The following REDIC1 variants were observed in gnomAD, a reference collection of about 807,000 sequenced individuals.
REDIC1 encodes regulator of DNA class I crossover intermediates 1.
the REDIC1 span, among the ~76,000 whole-genome samples, chr12:39,905,497 G>A: frequency 1.3e-5 from 2 of 152,006 alleles, no homozygotes; most frequent in African/African-American, 4.8e-5. Flanking sequence ...TCATTTTGTG[G>A]CATTTTTCTC....
the REDIC1 span, chr12:39,720,750 A>C: frequency 6.9e-7 from 1 of 1,442,648 alleles, no homozygotes; most frequent in South Asian, 1.2e-5. Context: ...TTAAAATGTA[A>C]GCATGGTTTA....
chr12:39,653,538 T>TCTTCTTCTTCTTCTTTTTCTTCTTCTTC, the REDIC1 span, among the ~76,000 whole-genome samples: 15 of 66,690 alleles, frequency 2.2e-4, no homozygotes, highest in Admixed American at 4.7e-4. Flanking sequence ...TTCTTCTTCT[T>TCTTCTTCTTCTTCTTTTTCTTCTTCTTC]TTTCTTCTTC....
At chr12:39,713,093 A>C in the REDIC1 span, among the ~76,000 whole-genome samples, 2 of 149,090 alleles carry the variant, frequency 1.3e-5, no homozygotes, top group Non-Finnish European at 3.0e-5. Flanking sequence ...GTATGTGTAG[A>C]TATGTGCATA....
the REDIC1 span, chr12:39,721,769 G>T: frequency 6.6e-6 from 1 of 152,000 alleles, no homozygotes; most frequent in Non-Finnish European, 1.5e-5. Context: ...GCATTAATTT[G>T]TAGATAACAC....
the REDIC1 span, among the ~76,000 whole-genome samples, chr12:39,711,878 T>A: frequency 5.8e-5 from 7 of 121,596 alleles, no homozygotes; most frequent in Admixed American, 3.1e-4. Flanking sequence ...CGTATACACA[T>A]GCATGTGTAT....
At chr12:39,703,284 CCAA>C in the REDIC1 span, among the ~76,000 whole-genome samples, 864 of 150,614 alleles carry the variant, frequency 5.7e-3, 7 homozygotes, top group African/African-American at 0.02. Flanking sequence ...TTCTTATACA[CCAA>C]CAACAGACAA....
the REDIC1 span, among the ~76,000 whole-genome samples, chr12:39,635,854 A>G: frequency 6.6e-6 from 1 of 152,130 alleles, no homozygotes; most frequent in South Asian, 2.1e-4. Flanking sequence ...GCTTATTAAA[A>G]TTCAAATCCA....
At chr12:39,756,970 A>G in the REDIC1 span, 1 of 151,542 alleles carries the variant, frequency 6.6e-6, no homozygotes, top group African/African-American at 2.4e-5. Flanking sequence ...TTTATTATTT[A>G]TTATTTAAAT....
chr12:39,788,534 T>G, the REDIC1 span: 3 of 152,304 alleles, frequency 2.0e-5, no homozygotes, highest in South Asian at 6.2e-4. Context: ...AAACTTATAA[T>G]TGTTTATTTC....
the REDIC1 span, among the ~76,000 whole-genome samples, chr12:39,727,124 A>ATTCTGATCATAGTTT: frequency 1.3e-5 from 2 of 149,316 alleles, no homozygotes; most frequent in Non-Finnish European, 3.0e-5. Flanking sequence ...TTGCCTGTTC[A>ATTCTGATCATAGTTT]CTCTTGCTGT....
At chr12:39,896,358 GTGTA>G in the REDIC1 span, among the ~76,000 whole-genome samples, 1 of 137,070 alleles carries the variant, frequency 7.3e-6, no homozygotes. Context: ...GTATGTATAT[GTGTA>G]TATATGTATA....
chr12:39,653,127 A>T, the REDIC1 span, among the ~76,000 whole-genome samples: 2 of 152,112 alleles, frequency 1.3e-5, no homozygotes, highest in Non-Finnish European at 1.5e-5. Flanking sequence ...ATTAATTTTG[A>T]TAGAATTGCC....
the REDIC1 span, among the ~76,000 whole-genome samples, chr12:39,706,527 A>G: frequency 6.6e-6 from 1 of 151,974 alleles, no homozygotes; most frequent in Non-Finnish European, 1.5e-5. Context: ...AACAAAACTG[A>G]AGGAATAGCA....
At chr12:39,810,411 GC>G in the REDIC1 span, among the ~76,000 whole-genome samples, 2 of 151,874 alleles carry the variant, frequency 1.3e-5, no homozygotes, top group Non-Finnish European at 2.9e-5. Flanking sequence ...TATTCTCATA[GC>G]ATTTTATAAA....
chr12:39,685,238 G>C, the REDIC1 span, among the ~76,000 whole-genome samples: 1 of 152,184 alleles, frequency 6.6e-6, no homozygotes, highest in African/African-American at 2.4e-5. Flanking sequence ...AAATACCTAA[G>C]ACTGGGTAAT....
At chr12:39,799,570 A>C in the REDIC1 span, among the ~76,000 whole-genome samples, 7 of 152,112 alleles carry the variant, frequency 4.6e-5, no homozygotes, top group African/African-American at 1.4e-4. Flanking sequence ...AAGATAGCCC[A>C]AAAAAACAAA....
chr12:39,644,906 T>C, the REDIC1 span, among the ~76,000 whole-genome samples: 7 of 151,952 alleles, frequency 4.6e-5, no homozygotes, highest in African/African-American at 1.2e-4. Flanking sequence ...GATCTTAAGA[T>C]TGGAAGAAAT....
At chr12:39,692,944 C>T in the REDIC1 span, among the ~76,000 whole-genome samples, 1 of 152,028 alleles carries the variant, frequency 6.6e-6, no homozygotes, top group African/African-American at 2.4e-5. Flanking sequence ...ATGTTTTCAC[C>T]AACAATATCT....
chr12:39,765,714 GCCT>G, the REDIC1 span, among the ~76,000 whole-genome samples: 1 of 151,844 alleles, frequency 6.6e-6, no homozygotes, highest in African/African-American at 2.4e-5. Context: ...TAATTCATTG[GCCT>G]CATTTAAAAA....
Sources: allele counts gnomAD v4.1 joint callset (sites outside exome capture counted in the v4.1 genomes callset), GRCh38; gene constraint gnomAD v4.1.1; transcripts MANE v1.5; gene names NCBI Gene and HGNC (gene_info 2026-07-23, HGNC 2026-07-21).